Variants in SPART observed in about 807,000 individuals in gnomAD.
SPART encodes the protein spastic paraplegia 20 (Troyer syndrome).
SPART carries 35 observed loss-of-function variants against 58.7 expected under a neutral mutation model. That is an observed-to-expected ratio of 0.60 (90% CI 0.46 to 0.79). SPART has a LOEUF of 0.79. Among genes scored for constraint, SPART ranks in the 30% least tolerant of loss-of-function variants. SPART has a pLI of 0.00. For missense variants in SPART, 730 were observed against 786.1 expected, an observed-to-expected ratio of 0.93 and a Z score of 0.85; for synonymous variants, 284 against 280.7, an observed-to-expected ratio of 1.01 and a Z score of -0.12.
At chr13:36,366,304 C>T (rs1216175226) in intron 1 of SPART, among the ~76,000 whole-genome samples, 1 of 152,174 alleles carries the variant, frequency 6.6e-6, no homozygotes, top group Non-Finnish European at 1.5e-5. Context: ...AAATGTCAGA[C>T]ATTCCATGGA....
intron 1 of SPART, among the ~76,000 whole-genome samples, chr13:36,353,574 T>C (rs1885505464): frequency 6.6e-6 from 1 of 151,980 alleles, no homozygotes; most frequent in Non-Finnish European, 1.5e-5. Context: ...TTGTGTTAGG[T>C]GATTTTGGTT....
At chr13:36,312,260 T>G (rs775854882) in intron 7 of SPART, 25 bp from the exon 8 acceptor site, 1 of 1,613,856 alleles carries the variant, frequency 6.2e-7, no homozygotes, top group South Asian at 1.1e-5. Flanking sequence ...TTTAAAACGA[T>G]GTAAATCTAG....
At position 36,304,559 on chromosome 13, in the gene SPART, T is replaced by C. The variant is rs892174465; in HGVS notation, c.1807A>G (p.Asn603Asp). ...GCTTTGATACCAATGTTGTTAATAT[T>C]GTAGGCAGTTACGCCAACATTGACC... ...SAVNVGVTAYNINNIGIKAMV... is the reference protein window; with the variant it reads ...SAVNVGVTAYDINNIGIKAMV... The change falls in exon 9 of 9, where the codon AAT (asparagine) becomes GAT (aspartate). Residue 603 changes from asparagine to aspartate, a missense_variant. Coordinates refer to ENST00000438666, the MANE Select transcript of SPART (RefSeq NM_015087.5). 1.1e-5 allele frequency: 17 copies of C among 1,614,194 alleles called. No homozygotes were observed. Among genetic ancestry groups the C allele is most frequent in the Non-Finnish European group, 1.4e-5 (16 of 1,180,012 alleles).
At chr13:36,324,541 T>A (rs528230874) in intron 5 of SPART, among the ~76,000 whole-genome samples, 25 of 152,188 alleles carry the variant, frequency 1.6e-4, no homozygotes, top group Non-Finnish European at 2.9e-4. Context: ...GAAAGAGATA[T>A]AAGCCACTCC....
intron 2 of SPART, among the ~76,000 whole-genome samples, chr13:36,332,533 T>C (rs1198276312): frequency 6.6e-6 from 1 of 152,004 alleles, no homozygotes; most frequent in Non-Finnish European, 1.5e-5. Context: ...AAATAAGAAA[T>C]TCAGCACTCA....
chr13:36,345,208 G>C (rs1299287482), intron 1 of SPART, among the ~76,000 whole-genome samples: 1 of 152,138 alleles, frequency 6.6e-6, no homozygotes, highest in East Asian at 1.9e-4. Context: ...GTAGCATCCC[G>C]CTCATTCTAG....
At chr13:36,322,310 G>A (rs903747863) in intron 5 of SPART, among the ~76,000 whole-genome samples, 2 of 152,156 alleles carry the variant, frequency 1.3e-5, no homozygotes, top group African/African-American at 4.8e-5. Flanking sequence ...AGCTGGGTGT[G>A]GTGGTGTGCA....
At chr13:36,336,117 G>A (rs1883984022) in intron 1 of SPART, among the ~76,000 whole-genome samples, 1 of 152,026 alleles carries the variant, frequency 6.6e-6, no homozygotes, top group Non-Finnish European at 1.5e-5. Flanking sequence ...TTCTTGTTCT[G>A]GTTTCTTATA....
At chr13:36,362,124 G>A (rs1268761118) in intron 1 of SPART, among the ~76,000 whole-genome samples, 1 of 152,146 alleles carries the variant, frequency 6.6e-6, no homozygotes, top group African/African-American at 2.4e-5. Flanking sequence ...GCTGAGATGG[G>A]CGGATCACCT....
chr13:36,357,478 C>G (rs1885668846), intron 1 of SPART, among the ~76,000 whole-genome samples: 1 of 152,120 alleles, frequency 6.6e-6, no homozygotes, highest in South Asian at 2.1e-4. Context: ...ATTCAGGATT[C>G]AGGGGAGAAG....
intron 1 of SPART, among the ~76,000 whole-genome samples, chr13:36,356,535 T>C (rs749612789): frequency 6.6e-6 from 1 of 152,240 alleles, no homozygotes; most frequent in Non-Finnish European, 1.5e-5. Context: ...CCCAGGTCTT[T>C]AGACAAACTC....
Position 36,329,465 on chromosome 13 carries a change from G to C in SPART, c.1061C>G (p.Thr354Ser). 2 of 1,614,106 alleles carry C rather than the reference G, an allele frequency of 1.2e-6. No individual in the cohort carries two copies. Among genetic ancestry groups the C allele is most frequent in the South Asian group, 2.2e-5 (2 of 91,088 alleles). ...TTTTAGTTGGTCAGAGGAGGGTCTA[G>C]TTCTTCCAGGGATTTGGAATTCATT... The part of the protein sequence containing the change: ...EENEFQIPGR[T>S]RPSSDQLKEA... Residue 354 changes from threonine (T) to serine (S), a missense_variant, in exon 4 of 9, where the codon ACT (threonine) becomes AGT (serine). Thr to Ser is a moderately conservative substitution (Grantham distance 58). Transcript: ENST00000438666.
intron 1 of SPART, among the ~76,000 whole-genome samples, chr13:36,344,824 C>G (rs7326853): frequency 6.6e-6 from 1 of 152,008 alleles, no homozygotes; most frequent in African/African-American, 2.4e-5. Flanking sequence ...ATGTATTAAA[C>G]AGTACCTACA....
chr13:36,312,741 A>AT (rs1188235524), intron 6 of SPART, among the ~76,000 whole-genome samples: 1 of 152,022 alleles, frequency 6.6e-6, no homozygotes, highest in East Asian at 1.9e-4. Flanking sequence ...TAGACTGGTT[A>AT]TTTTTTAAAT....
chr13:36,319,481 G>A (rs372487287), intron 5 of SPART, among the ~76,000 whole-genome samples: 2 of 151,818 alleles, frequency 1.3e-5, no homozygotes, highest in Non-Finnish European at 2.9e-5. Context: ...GTTATCACTC[G>A]CCTGCTACAG....
In SPART at chr13:36,335,240, A is replaced by G. The variant is rs779363390; in HGVS notation, c.591T>C (p.Val197=). The G allele has an allele frequency of 2.1e-5, 34 of 1,614,014 alleles. No homozygotes were observed. In the African/African-American group the frequency reaches 3.9e-4, roughly 18 times the overall value. ...AATGATTCCTATAAAACTCCTCTCCAACTGATGAAAACTCCCCAGAATCTG... is the reference window on the plus strand; with the variant it reads ...AATGATTCCTATAAAACTCCTCTCCGACTGATGAAAACTCCCCAGAATCTG... ...YGTDSGEFSS[V]GEEFYRNHSQ... is the part of the protein sequence containing the mutation. Residue 197 remains valine (V), a synonymous_variant, in exon 2 of 9, where the codon GTT becomes GTC. Transcript: ENST00000438666.
chr13:36,305,075 T>C (rs570380330), intron 8 of SPART, among the ~76,000 whole-genome samples: 49 of 152,262 alleles, frequency 3.2e-4, no homozygotes, highest in African/African-American at 1.1e-3. Flanking sequence ...TTATGGGAAT[T>C]TGAGTTAATC....
chr13:36,304,550 T>C lies in SPART; in HGVS notation c.1816A>G (p.Asn606Asp), dbSNP rs767789692. The C allele has an allele frequency of 1.9e-6, 3 of 1,614,172 alleles. No homozygotes were observed. The highest frequency in any genetic ancestry group is 2.2e-5 in the South Asian group (2 of 91,082). The change falls in exon 9 of 9, where the codon AAC becomes GAC. Residue 606 changes from asparagine to aspartate, a missense_variant. Asn to Asp is a conservative substitution (Grantham distance 23). Transcript: ENST00000438666. Reference protein sequence around the residue: ...NVGVTAYNINNIGIKAMVKKT... With the variant: ...NVGVTAYNINDIGIKAMVKKT... The stretch of plus-strand genomic sequence containing the variant: ...TTCACCATTGCTTTGATACCAATGT[T>C]GTTAATATTGTAGGCAGTTACGCCA...
intron 5 of SPART, among the ~76,000 whole-genome samples, chr13:36,321,280 A>G (rs562937337): frequency 3.9e-5 from 6 of 152,276 alleles, no homozygotes; most frequent in African/African-American, 1.4e-4. Context: ...TTTCCAAGCC[A>G]TCACAGCTGA....
Sources: allele counts gnomAD v4.1 joint callset (sites outside exome capture counted in the v4.1 genomes callset), GRCh38; gene constraint gnomAD v4.1.1; transcripts MANE v1.5; gene names NCBI Gene and HGNC (gene_info 2026-07-23, HGNC 2026-07-21).